EFHC2: variants seen among roughly 807,000 people sequenced by gnomAD.
EFHC2 encodes EF-hand domain-containing family member C2.
A neutral mutation model predicts 52.7 loss-of-function variants in EFHC2; 18 were observed. That is an observed-to-expected ratio of 0.34 (90% CI 0.24 to 0.51). The LOEUF (loss-of-function observed/expected upper bound fraction) is 0.51. Ranked by LOEUF, EFHC2 falls within the 20% of genes least tolerant of loss-of-function variation. The pLI is 0.97. For missense variants in EFHC2, 513 were observed against 562.5 expected (o/e 0.91, Z 0.89); for synonymous variants, 203 against 204.1 (o/e 0.99, Z 0.04).
chrX:44,268,687 G>A (rs935368934), intron 3 of EFHC2, among the ~76,000 whole-genome samples: 7 of 111,622 alleles, frequency 6.3e-5, no homozygotes, highest in African/African-American at 2.0e-4. Context: ...TCAAATACAC[G>A]TAAGTAAAAT....
intron 2 of EFHC2, chrX:44,309,825 C>T: frequency 8.7e-7 from 1 of 1,148,294 alleles, no homozygotes. Flanking sequence ...CATAGGTAGC[C>T]TCTTTGTCCC....
chrX:44,216,746 G>T (rs185791901), intron 11 of EFHC2, among the ~76,000 whole-genome samples: 1 of 111,599 alleles, frequency 9.0e-6, no homozygotes, highest in East Asian at 2.8e-4. Flanking sequence ...TTAAATCTAA[G>T]ACCTCAAACC....
intron 8 of EFHC2, among the ~76,000 whole-genome samples, chrX:44,238,462 CTT>C: frequency 9.0e-6 from 1 of 111,561 alleles, no homozygotes; most frequent in South Asian, 3.8e-4. Flanking sequence ...GCTCAAGTCA[CTT>C]CTCTGCTCAA....
chrX:44,325,519 T>C (rs922327824), intron 1 of EFHC2, among the ~76,000 whole-genome samples: 7 of 110,519 alleles, frequency 6.3e-5, no homozygotes, highest in East Asian at 2.8e-4. Flanking sequence ...CCCTTCCTCG[T>C]TGCTAAAAAT....
chrX:44,178,670 C>A, intron 11 of EFHC2, 106 bp from the exon 12 acceptor site: 1 of 677,692 alleles, frequency 1.5e-6, no homozygotes, highest in Non-Finnish European at 2.1e-6. Flanking sequence ...AAACTTTTAC[C>A]AACTGTACAG....
intron 11 of EFHC2, among the ~76,000 whole-genome samples, chrX:44,208,770 A>G (rs2037068794): frequency 8.9e-6 from 1 of 112,052 alleles, no homozygotes; most frequent in African/African-American, 3.2e-5. Flanking sequence ...AAAGTCTGCA[A>G]ATAGGACAAA....
At chrX:44,315,097 C>T (rs747017162) in intron 1 of EFHC2, among the ~76,000 whole-genome samples, 13 of 110,984 alleles carry the variant, frequency 1.2e-4, no homozygotes, top group African/African-American at 3.0e-4. Flanking sequence ...AATGAGTTGT[C>T]GCTCAGTTAT....
chrX:44,280,962 C>T (rs1180765102), intron 2 of EFHC2, among the ~76,000 whole-genome samples: 1 of 111,527 alleles, frequency 9.0e-6, no homozygotes, highest in Non-Finnish European at 1.9e-5. Flanking sequence ...CTCTGTCACC[C>T]AGGCTGGAGT....
intron 4 of EFHC2, among the ~76,000 whole-genome samples, chrX:44,260,411 A>T (rs2037529461): frequency 8.9e-6 from 1 of 111,801 alleles, no homozygotes; most frequent in Admixed American, 9.5e-5. Context: ...TTGAGTGTTC[A>T]AATTCTTCTG....
At chrX:44,332,086 G>A (rs5906918) in intron 1 of EFHC2, among the ~76,000 whole-genome samples, 1 of 108,889 alleles carries the variant, frequency 9.2e-6, no homozygotes, top group Non-Finnish European at 1.9e-5. Context: ...GAAGGTCCAC[G>A]TTCCTTAGTC....
chrX:44,320,444 G>A (rs780112482), intron 1 of EFHC2, among the ~76,000 whole-genome samples: 3 of 111,742 alleles, frequency 2.7e-5, no homozygotes, highest in Non-Finnish European at 5.6e-5. Flanking sequence ...TAATTAGAAG[G>A]CTCTGGCCAG....
intron 11 of EFHC2, among the ~76,000 whole-genome samples, chrX:44,184,406 C>T (rs1219806507): frequency 9.0e-6 from 1 of 111,722 alleles, no homozygotes; most frequent in African/African-American, 3.3e-5. Context: ...TCTGTGAGGC[C>T]TTCTCTGGCC....
chrX:44,168,260 T>A (rs374687916), intron 13 of EFHC2, among the ~76,000 whole-genome samples: 1 of 111,617 alleles, frequency 9.0e-6, no homozygotes, highest in African/African-American at 3.3e-5. Flanking sequence ...TGTCCGGGCG[T>A]GGTGGCTCAC....
chrX:44,162,158 C>T (rs776363200), intron 14 of EFHC2, among the ~76,000 whole-genome samples: 37 of 111,730 alleles, frequency 3.3e-4, no homozygotes, highest in Non-Finnish European at 6.2e-4. Flanking sequence ...CGTGGTGGCT[C>T]GTGTCTGTAA....
intron 11 of EFHC2, among the ~76,000 whole-genome samples, chrX:44,203,054 C>T (rs984003087): frequency 3.2e-4 from 36 of 111,694 alleles, no homozygotes; most frequent in African/African-American, 1.1e-3. Context: ...CACACTTTTC[C>T]GGTGGCTCCA....
intron 11 of EFHC2, among the ~76,000 whole-genome samples, chrX:44,199,974 C>G (rs2036994442): frequency 8.9e-6 from 1 of 111,853 alleles, no homozygotes; most frequent in South Asian, 3.7e-4. Context: ...GAAACAACTA[C>G]TAAATGCAAT....
chrX:44,191,750 C>T (rs1429151170), intron 11 of EFHC2, among the ~76,000 whole-genome samples: 2 of 111,791 alleles, frequency 1.8e-5, no homozygotes, highest in Non-Finnish European at 3.8e-5. Context: ...CTATTGACAG[C>T]ATTAAGGATT....
In EFHC2 at chrX:44,289,587, G is replaced by T. The variant is rs2037776958; in HGVS notation, c.232-16751C>A. ...TTCCTTGCTTTATCCTTGAAAATTT[G>T]TCAGGGTAGATCTAATTATTGATCT... On this transcript the variant is annotated intron_variant, in intron 2 of 14. Transcript: ENST00000420999. Among the ~76,000 whole-genome samples the T allele has an allele frequency of 2.8e-5, 3 of 108,769 alleles. No homozygotes were observed. In the Admixed American group the frequency reaches 3.0e-4, roughly 11 times the overall value. 94.5% of individuals were successfully genotyped at this position (108,769 alleles called of 115,157 possible). A position where few individuals can be genotyped will look rare whatever the true frequency, so the allele number is the denominator to read the frequency against.
At chrX:44,267,211 A>G (rs1345858904) in intron 3 of EFHC2, among the ~76,000 whole-genome samples, 2 of 112,350 alleles carry the variant, frequency 1.8e-5, no homozygotes, top group Non-Finnish European at 3.8e-5. Flanking sequence ...CTACTGGATT[A>G]ACCTCTGACA....
Sources: allele counts gnomAD v4.1 joint callset (sites outside exome capture counted in the v4.1 genomes callset), GRCh38; gene constraint gnomAD v4.1.1; transcripts MANE v1.5; gene names NCBI Gene and HGNC (gene_info 2026-07-23, HGNC 2026-07-21).